Variants in SLC3A2 observed in about 807,000 individuals in gnomAD.
SLC3A2 encodes the protein solute carrier family 3 member 2, also known as amino acid transporter heavy chain SLC3A2.
Under a neutral mutation model 48.5 loss-of-function variants are expected in SLC3A2, and 32 were observed. That is an observed-to-expected ratio of 0.66 (90% CI 0.50 to 0.89). The LOEUF (loss-of-function observed/expected upper bound fraction) is 0.89, where lower values mean the gene tolerates loss of function less well. Among genes scored for constraint, SLC3A2 ranks in the 40% least tolerant of loss-of-function variants. The pLI, the probability that SLC3A2 is intolerant of heterozygous loss-of-function variation, is 0.00. For synonymous variants in SLC3A2, 277 were observed against 288.8 expected (o/e 0.96, Z 0.41); for missense variants, 587 against 680.7 (o/e 0.86, Z 1.53).
rs1315299354 is a variant in SLC3A2, at chr11:62,884,473, G to A, written c.707G>A (p.Trp236Ter). The part of the protein sequence containing the change: ...ATKVKDALEF[W>*]LQAGVDGFQV... ...CCCCTATAGGATGCTCTGGAGTTTT[G>A]GCTGCAAGCTGGCGTGGATGGGTTC... Residue 236 changes from tryptophan (W) to a stop codon, truncating the protein, a stop_gained, in exon 4 of 9, where the codon TGG becomes TAG. Transcript: ENST00000338663. LOFTEE classifies it high-confidence loss of function. The A allele has an allele frequency of 6.2e-7, 1 of 1,614,182 alleles. No individual in the cohort carries two copies. The highest frequency in any genetic ancestry group is 8.5e-7 in the Non-Finnish European group (1 of 1,180,030).
intron 5 of SLC3A2, 73 bp downstream of exon 5, chr11:62,884,763 G>A: frequency 3.2e-6 from 4 of 1,231,928 alleles, no homozygotes; most frequent in African/African-American, 3.1e-5. Context: ...GGCCTAAGAA[G>A]GGGGGATTCC....
rs370129844 is a variant in SLC3A2, at chr11:62,888,188, A to G, written c.1197A>G (p.Pro399=). ...LWDESSFPDI[P]GAVSANMTVK... The stretch of plus-strand genomic sequence containing the variant: ...ATGAGTCCAGCTTCCCTGACATCCC[A>G]GGGGCTGTAAGTGCCAACATGACTG... The change falls in exon 8 of 9, where the codon CCA becomes CCG. Residue 399 remains proline, a synonymous_variant. Coordinates refer to ENST00000338663, the MANE Select transcript of SLC3A2 (RefSeq NM_001013251.3). 5 of 1,614,058 alleles carry G rather than the reference A, an allele frequency of 3.1e-6. No homozygotes were observed. The highest frequency in any genetic ancestry group is 2.5e-6 in the Non-Finnish European group (3 of 1,179,998).
chr11:62,858,162 A>C (rs561117793), intron 1 of SLC3A2, among the ~76,000 whole-genome samples: 1 of 152,328 alleles, frequency 6.6e-6, no homozygotes, highest in South Asian at 2.1e-4. Context: ...AAGAGGATTC[A>C]ATGCTAACAA....
chr11:62,868,365 C>CTTTTTTTT (rs1184700101), intron 1 of SLC3A2, among the ~76,000 whole-genome samples: 1 of 132,710 alleles, frequency 7.5e-6, no homozygotes, highest in African/African-American at 2.7e-5. Flanking sequence ...TATTTTCATT[C>CTTTTTTTT]TTTTTTTTTT....
chr11:62,866,797 G>C (rs926403881), intron 1 of SLC3A2, among the ~76,000 whole-genome samples: 2 of 152,118 alleles, frequency 1.3e-5, no homozygotes, highest in African/African-American at 4.8e-5. Flanking sequence ...TTTTGGAACA[G>C]GGAGATTGAA....
At chr11:62,864,157 T>C (rs1432581170) in intron 1 of SLC3A2, among the ~76,000 whole-genome samples, 2 of 152,220 alleles carry the variant, frequency 1.3e-5, no homozygotes, top group Non-Finnish European at 2.9e-5. Flanking sequence ...CAGGATGTGA[T>C]ACTGCTTTTG....
At chr11:62,876,110 C>T (rs776174558), upstream of SLC3A2, among the ~76,000 whole-genome samples, 1 of 152,224 alleles carries the variant, frequency 6.6e-6, no homozygotes, top group Non-Finnish European at 1.5e-5. Context: ...AGTGATCCTC[C>T]TGCCTTAGCT....
chr11:62,884,711 G>T, intron 5 of SLC3A2, 21 bp downstream of exon 5: 2 of 1,568,372 alleles, frequency 1.3e-6, no homozygotes, highest in Non-Finnish European at 1.7e-6. Context: ...GAGCCATTCT[G>T]CTGACTCAGC....
intron 1 of SLC3A2, among the ~76,000 whole-genome samples, chr11:62,873,378 C>G (rs1282615175): frequency 6.6e-6 from 1 of 151,622 alleles, no homozygotes; most frequent in African/African-American, 2.4e-5. Flanking sequence ...GTCCCAGGTA[C>G]TCTGGGAGGC....
upstream of SLC3A2, among the ~76,000 whole-genome samples, chr11:62,878,165 AAAAAAAC>A (rs1299228245): frequency 6.6e-6 from 1 of 151,940 alleles, no homozygotes; most frequent in Non-Finnish European, 1.5e-5. Context: ...TCTCAAAAAA[AAAAAAAC>A]AAAAAACAAA....
At position 62,881,178 on chromosome 11, in the gene SLC3A2, C is replaced by T. The variant is rs1215401651; in HGVS notation, c.155C>T (p.Ala52Val). 5 of 1,594,652 alleles carry T rather than the reference C, an allele frequency of 3.1e-6. No individual in the cohort carries two copies. The highest frequency in any genetic ancestry group is 1.8e-5 in the Admixed American group (1 of 54,734). Residue 52 changes from alanine (A) to valine (V), a missense_variant, in exon 1 of 9, where the codon GCG (alanine) becomes GTG (valine). Coordinates refer to ENST00000338663, the MANE Select transcript of SLC3A2 (RefSeq NM_001013251.3). The surrounding 1 kb of genome is among the most constrained non-coding windows in gnomAD (Gnocchi z 4.0). ...LVKIKVAEDE[A>V]EAAAAAKFTG... ...AAGATCAAGGTGGCGGAAGACGAGG[C>T]GGAGGCGGCAGCCGCGGCTAAGTTC...
At chr11:62,885,958 C>A (rs965942808) in intron 7 of SLC3A2, among the ~76,000 whole-genome samples, 6 of 152,118 alleles carry the variant, frequency 3.9e-5, no homozygotes, top group Non-Finnish European at 7.4e-5. Flanking sequence ...CTCAGGAGCT[C>A]ATAGTTTAGT....
intron 2 of SLC3A2, chr11:62,882,595 G>A (rs986148457): frequency 7.0e-5 from 22 of 316,396 alleles, no homozygotes; most frequent in South Asian, 1.8e-4. Flanking sequence ...AGCGATTCTC[G>A]TGCCTCAGCC....
intron 1 of SLC3A2, among the ~76,000 whole-genome samples, chr11:62,867,322 C>CTTTTTTTTTTTTT (rs56758000): frequency 8.9e-5 from 6 of 67,674 alleles, no homozygotes; most frequent in South Asian, 5.5e-4. Context: ...CTTTTCTTTT[C>CTTTTTTTTTTTTT]TTTTTTTTTT....
chr11:62,870,830 G>C (rs1216249915), intron 1 of SLC3A2: 1 of 212,428 alleles, frequency 4.7e-6, no homozygotes, highest in Non-Finnish European at 9.0e-6. Flanking sequence ...AGAATGCCGA[G>C]ATGATAGGTA....
intron 2 of SLC3A2, 136 bp downstream of exon 2, chr11:62,882,202 C>A: frequency 1.0e-6 from 1 of 991,676 alleles, no homozygotes. Context: ...ATTTGTTAGT[C>A]TTCAGCCTAA....
chr11:62,879,741 C>T (rs519473), upstream of SLC3A2, among the ~76,000 whole-genome samples: 2,987 of 152,374 alleles, frequency 0.02, 92 homozygotes, highest in African/African-American at 0.067. Context: ...TCCAGCTCCT[C>T]TCTGAAAGTA....
rs1172445420 is a variant in SLC3A2 at position 62,888,375 on chromosome 11, G to A, written c.1272G>A (p.Arg424=). 6.2e-7 allele frequency: 1 copy of A among 1,614,090 alleles called. No homozygotes were observed. The highest frequency in any genetic ancestry group is 8.5e-7 in the Non-Finnish European group (1 of 1,180,044). The change falls in exon 9 of 9, where the codon CGG becomes CGA. Residue 424 remains arginine (R), a synonymous_variant. Transcript: ENST00000338663. ...DPGSLLSLFR[R]LSDQRSKERS... ...GCTCCCTCCTTTCCTTGTTCCGGCGGCTGAGTGACCAGCGGAGTAAGGAGC... is the reference window on the plus strand; with the variant it reads ...GCTCCCTCCTTTCCTTGTTCCGGCGACTGAGTGACCAGCGGAGTAAGGAGC...
intron 2 of SLC3A2, 98 bp from the exon 3 acceptor site, chr11:62,882,810 A>G: frequency 9.9e-7 from 1 of 1,010,348 alleles, no homozygotes; most frequent in Non-Finnish European, 1.6e-6. Flanking sequence ...TGTACCAAGT[A>G]ATACATAGGA....
Sources: gnomAD v4.1 joint callset for allele counts (sites outside exome capture counted in the v4.1 genomes callset) on GRCh38, gnomAD v4.1.1 for gene constraint, Gnocchi (gnomAD v3.1) non-coding constraint, MANE v1.5 for transcripts, NCBI Gene and HGNC (gene_info 2026-07-23, HGNC 2026-07-21) for gene names.